The following ADGRA1 variants were observed in gnomAD, a reference collection of about 807,000 sequenced individuals.
The protein encoded by ADGRA1 is adhesion G protein-coupled receptor A1, also known as G-protein coupled receptor 123.
Under a neutral mutation model 21.3 loss-of-function variants are expected in ADGRA1, and 12 were observed. The ratio of observed to expected loss-of-function variants is 0.56; its 90% CI spans 0.36 to 0.91. ADGRA1 has a LOEUF of 0.91. Ranked by LOEUF, ADGRA1 falls within the 40% of genes least tolerant of loss-of-function variation. The pLI, the probability that ADGRA1 is intolerant of heterozygous loss-of-function variation, is 0.01. For missense variants in ADGRA1, 790 were observed against 805.6 expected (o/e 0.98, Z 0.23); for synonymous variants, 385 against 368.8 (o/e 1.04, Z -0.50).
At chr10:133,102,543 G>C (rs1258405421) in intron 4 of ADGRA1, among the ~76,000 whole-genome samples, 154 bp from the exon 5 acceptor site, 2 of 152,198 alleles carry the variant, frequency 1.3e-5, no homozygotes, top group Non-Finnish European at 2.9e-5. Context: ...GTGAGTTCTG[G>C]GCGGCTGTGG....
chr10:133,130,840 TCACACACA>T lies in ADGRA1; in HGVS notation c.*1331_*1338del, dbSNP rs777507396. On this transcript the variant is annotated 3_prime_UTR_variant, in exon 7 of 7. Transcript: ENST00000392607. Reference sequence around the variant, plus strand: ...GCACACACACCCAAACACGTGCATATCACACACACGCACACACACAAACACGTGCATAT... The same window carrying T: ...GCACACACACCCAAACACGTGCATATCGCACACACACAAACACGTGCATAT... The T allele has an allele frequency of 1.4e-5, 2 of 140,990 alleles. No homozygotes were observed. The highest frequency in any genetic ancestry group is 3.0e-5 in the Non-Finnish European group (2 of 66,282). 8.7% of individuals were successfully genotyped at this position (140,990 alleles called of 1,614,324 possible). A position where few individuals can be genotyped will look rare whatever the true frequency, so the allele number is the denominator to read the frequency against.
chr10:133,091,289 G>A (rs1162256386), intron 2 of ADGRA1, among the ~76,000 whole-genome samples: 2 of 152,012 alleles, frequency 1.3e-5, no homozygotes, highest in Admixed American at 6.6e-5. Context: ...GGATGGTGTG[G>A]CTGGTGCAGT....
Position 133,092,983 on chromosome 10 carries a change from A to G in ADGRA1, c.4-3991A>G, listed in dbSNP as rs542336754. ...GTTGGAGCTGCAGACCTGGCCCCGG[A>G]CACCTCACCGTGCAGGAAAGAAGGT... On this transcript the variant is annotated intron_variant, in intron 2 of 6. Coordinates refer to ENST00000392607, the MANE Select transcript of ADGRA1 (RefSeq NM_001083909.3). 1.3e-5 allele frequency: 20 copies of G among 1,590,300 alleles called. No individual in the cohort carries two copies. The South Asian group carries it at 2.2e-4, about 18-fold the overall frequency.
rs114322763 is a variant in ADGRA1 at position 133,113,784 on chromosome 10, C to T, written c.401+10942C>T. Among the ~76,000 whole-genome samples the T allele has an allele frequency of 9.6e-3, 1,459 of 152,272 alleles. 25 individuals carry two copies. Among genetic ancestry groups the T allele is most frequent in the African/African-American group, 0.033 (1,359 of 41,552 alleles). The stretch of plus-strand genomic sequence containing the variant: ...GGGAGGGAGCCGAGGGAGCTTTGTG[C>T]GGGGAAAACCCTGGAAGGGAGCAGC... On this transcript the variant is annotated intron_variant, in intron 5 of 6. Coordinates refer to ENST00000392607, the MANE Select transcript of ADGRA1 (RefSeq NM_001083909.3).
chr10:133,112,592 C>A (rs1424695765), intron 5 of ADGRA1, among the ~76,000 whole-genome samples: 2 of 142,066 alleles, frequency 1.4e-5, no homozygotes, highest in Admixed American at 7.1e-5. Flanking sequence ...CGGGCCGTGT[C>A]GGTTATTTGG....
intron 5 of ADGRA1, among the ~76,000 whole-genome samples, chr10:133,121,024 G>C (rs1430327605): frequency 1.3e-5 from 2 of 152,154 alleles, no homozygotes; most frequent in Non-Finnish European, 2.9e-5. Flanking sequence ...GAGGGAGATG[G>C]GGAACAGCCA....
At chr10:133,105,074 C>T (rs1255373805) in intron 5 of ADGRA1, among the ~76,000 whole-genome samples, 5 of 152,244 alleles carry the variant, frequency 3.3e-5, no homozygotes, top group African/African-American at 1.2e-4. Flanking sequence ...GCCCCATTCC[C>T]AGAACTCTAC....
At chr10:133,091,309 G>A (rs1051928859) in intron 2 of ADGRA1, among the ~76,000 whole-genome samples, 2 of 151,936 alleles carry the variant, frequency 1.3e-5, no homozygotes, top group Admixed American at 6.6e-5. Flanking sequence ...TGTGGTTGCC[G>A]TGGGATGGGC....
At chr10:133,120,428 T>C (rs1852233157) in intron 5 of ADGRA1, among the ~76,000 whole-genome samples, 1 of 152,198 alleles carries the variant, frequency 6.6e-6, no homozygotes. Flanking sequence ...AAATATATCT[T>C]GTTTAGTGCA....
At chr10:133,094,668 T>G (rs1851658162) in intron 2 of ADGRA1, among the ~76,000 whole-genome samples, 1 of 152,100 alleles carries the variant, frequency 6.6e-6, no homozygotes, top group African/African-American at 2.4e-5. Flanking sequence ...TGGACCCCAC[T>G]CTCTTGGCTT....
rs761170723 is a variant in ADGRA1 at position 133,098,633 on chromosome 10, C to G, written c.132-7C>G. On this transcript the variant is annotated splice_region_variant and splice_polypyrimidine_tract_variant and intron_variant, in intron 3 of 6. Coordinates refer to ENST00000392607, the MANE Select transcript of ADGRA1 (RefSeq NM_001083909.3). Reference sequence around the variant, plus strand: ...CTCATGTGAAACCCTCCTTTCCCGTCCCACAGCGCCATCCGCATCAGCCGC... The same window carrying G: ...CTCATGTGAAACCCTCCTTTCCCGTGCCACAGCGCCATCCGCATCAGCCGC... 1 of 1,606,252 alleles carries G rather than the reference C, an allele frequency of 6.2e-7. No homozygotes were observed. Among genetic ancestry groups the G allele is most frequent in the Admixed American group, 1.7e-5 (1 of 59,802 alleles).
At chr10:133,094,245 C>T (rs927086905) in intron 2 of ADGRA1, among the ~76,000 whole-genome samples, 2 of 152,240 alleles carry the variant, frequency 1.3e-5, no homozygotes, top group Non-Finnish European at 2.9e-5. Context: ...CGCCCTGAGA[C>T]GTTTGCCTCT....
intron 5 of ADGRA1, among the ~76,000 whole-genome samples, chr10:133,112,691 G>A (rs1345745495): frequency 5.7e-5 from 8 of 139,876 alleles, no homozygotes; most frequent in South Asian, 2.4e-4. Context: ...TGGGGTCTAC[G>A]GGCCACGTCA....
chr10:133,090,445 CACA>C (rs1198011983), intron 2 of ADGRA1, among the ~76,000 whole-genome samples: 8 of 152,278 alleles, frequency 5.3e-5, no homozygotes, highest in Admixed American at 2.0e-4. Flanking sequence ...TGTTTTTATT[CACA>C]ACAAGTAACA....
intron 2 of ADGRA1, among the ~76,000 whole-genome samples, chr10:133,094,167 C>A (rs375081144): frequency 1.3e-5 from 2 of 152,356 alleles, no homozygotes; most frequent in South Asian, 2.1e-4. Flanking sequence ...CCACACAAGG[C>A]GGCGTGGCCC....
chr10:133,096,268 C>T (rs1236133775), intron 2 of ADGRA1, among the ~76,000 whole-genome samples: 2 of 152,194 alleles, frequency 1.3e-5, no homozygotes, highest in Admixed American at 6.5e-5. Context: ...GGTGAGCTCA[C>T]CTCACTCACC....
intron 4 of ADGRA1, 152 bp from the exon 5 acceptor site, chr10:133,102,545 C>A: frequency 1.2e-6 from 1 of 841,312 alleles, no homozygotes; most frequent in Non-Finnish European, 1.9e-6. Flanking sequence ...GAGTTCTGGG[C>A]GGCTGTGGGG....
rs113480336 is a variant in ADGRA1, at chr10:133,108,832, C to T, written c.401+5990C>T. On this transcript the variant is annotated intron_variant, in intron 5 of 6. Coordinates refer to ENST00000392607, the MANE Select transcript of ADGRA1 (RefSeq NM_001083909.3). ...CATCCTCCATGGTCCCAGCTCCACT[C>T]GGCCCCAGCTCCACCCCTCCCCTCA... 8.8e-3 allele frequency among the ~76,000 whole-genome samples: 942 copies of T among 107,590 alleles called. 3 individuals are homozygous for T. The highest frequency in any genetic ancestry group is 0.011 in the Middle Eastern group (2 of 190). The allele number at this position is 107,590 out of a possible 152,430, so 70.6% of individuals were successfully genotyped here.
chr10:133,119,661 A>T (rs1449749432), intron 5 of ADGRA1, among the ~76,000 whole-genome samples: 1 of 152,242 alleles, frequency 6.6e-6, no homozygotes, highest in East Asian at 1.9e-4. Flanking sequence ...TTGCTCATCC[A>T]TAAGAAGCAA....
Sources: allele counts gnomAD v4.1 joint callset (sites outside exome capture counted in the v4.1 genomes callset), GRCh38; gene constraint gnomAD v4.1.1; transcripts MANE v1.5; gene names NCBI Gene and HGNC (gene_info 2026-07-23, HGNC 2026-07-21).